The following BMAL1 variants were observed in gnomAD, a reference collection of about 807,000 sequenced individuals.
The protein encoded by BMAL1 is basic helix-loop-helix ARNT-like protein 1.
chr11:13,377,064 T>C, the BMAL1 span, among the ~76,000 whole-genome samples: 1 of 152,180 alleles, frequency 6.6e-6, no homozygotes, highest in African/African-American at 2.4e-5. Context: ...TGTCACTAAC[T>C]CCTGTGGTTG....
At chr11:13,278,676 C>G in the BMAL1 span, among the ~76,000 whole-genome samples, 9 of 152,202 alleles carry the variant, frequency 5.9e-5, no homozygotes, top group Admixed American at 1.3e-4. Flanking sequence ...AAGGATGCCC[C>G]GTGGGTCTGC....
the BMAL1 span, among the ~76,000 whole-genome samples, chr11:13,325,639 G>A: frequency 2.2e-5 from 3 of 137,468 alleles, no homozygotes; most frequent in Non-Finnish European, 3.1e-5. Flanking sequence ...GCTGTCTGGT[G>A]CTGCCTTTTG....
At chr11:13,332,568 A>G in the BMAL1 span, among the ~76,000 whole-genome samples, 2 of 152,202 alleles carry the variant, frequency 1.3e-5, no homozygotes, top group African/African-American at 4.8e-5. Flanking sequence ...AATAGTTTCT[A>G]GTTTTAAAAT....
the BMAL1 span, chr11:13,355,200 T>G: frequency 6.2e-7 from 1 of 1,609,558 alleles, no homozygotes; most frequent in Non-Finnish European, 8.5e-7. Context: ...GTATACCCCC[T>G]ACAGCAGATG....
chr11:13,282,141 C>T, the BMAL1 span, among the ~76,000 whole-genome samples: 3 of 152,210 alleles, frequency 2.0e-5, no homozygotes, highest in African/African-American at 7.2e-5. Flanking sequence ...CTTCATTCCC[C>T]AGGCTGTCCT....
chr11:13,346,035 T>C, the BMAL1 span, among the ~76,000 whole-genome samples: 1 of 152,194 alleles, frequency 6.6e-6, no homozygotes, highest in Admixed American at 6.5e-5. Context: ...ACCCTGGTAA[T>C]AAACAACCTC....
the BMAL1 span, among the ~76,000 whole-genome samples, chr11:13,288,420 T>TCTTCTTTCTTTCTTTC: frequency 2.3e-5 from 1 of 43,564 alleles, no homozygotes; most frequent in African/African-American, 7.0e-5. Flanking sequence ...CTTTCTTTTT[T>TCTTCTTTCTTTCTTTC]TTTCTTTTTT....
At chr11:13,284,232 G>T in the BMAL1 span, among the ~76,000 whole-genome samples, 1 of 8,092 alleles carries the variant, frequency 1.2e-4, no homozygotes, top group African/African-American at 3.5e-4. Flanking sequence ...ATATATGTGT[G>T]TGTATATATA....
chr11:13,313,501 G>A, the BMAL1 span, among the ~76,000 whole-genome samples: 1 of 152,066 alleles, frequency 6.6e-6, no homozygotes, highest in Non-Finnish European at 1.5e-5. Flanking sequence ...CTGCCTGCTT[G>A]GTCCACGCCC....
the BMAL1 span, among the ~76,000 whole-genome samples, chr11:13,280,811 C>A: frequency 6.6e-6 from 1 of 152,282 alleles, no homozygotes; most frequent in South Asian, 2.1e-4. Context: ...TTACTTCCCA[C>A]CCAAAATGTC....
chr11:13,379,004 A>C, the BMAL1 span: 1 of 152,494 alleles, frequency 6.6e-6, no homozygotes, highest in Admixed American at 6.5e-5. Flanking sequence ...AGGAGCTTAG[A>C]AGCAGTCCAC....
At chr11:13,345,239 G>A in the BMAL1 span, among the ~76,000 whole-genome samples, 1 of 152,208 alleles carries the variant, frequency 6.6e-6, no homozygotes, top group Non-Finnish European at 1.5e-5. Context: ...TTTAAAAAGG[G>A]GGAAGTCCTC....
the BMAL1 span, among the ~76,000 whole-genome samples, chr11:13,290,617 A>G: frequency 1.3e-5 from 2 of 151,776 alleles, no homozygotes; most frequent in African/African-American, 4.8e-5. Context: ...AACCTTGACT[A>G]CCTACCATAT....
the BMAL1 span, among the ~76,000 whole-genome samples, chr11:13,295,828 C>T: frequency 6.6e-6 from 1 of 152,266 alleles, no homozygotes; most frequent in Admixed American, 6.5e-5. Flanking sequence ...ATCTCAGTGC[C>T]CCTCCAGCAA....
At chr11:13,356,376 G>A in the BMAL1 span, 2 of 441,064 alleles carry the variant, frequency 4.5e-6, no homozygotes, top group South Asian at 3.8e-5. Flanking sequence ...CCAGAATGAT[G>A]GGGGGGGAGA....
the BMAL1 span, among the ~76,000 whole-genome samples, chr11:13,305,427 A>G: frequency 2.0e-5 from 3 of 152,140 alleles, no homozygotes; most frequent in Admixed American, 6.5e-5. Flanking sequence ...TAGAAATCCA[A>G]TTGATTTTTT....
At chr11:13,288,398 C>T in the BMAL1 span, among the ~76,000 whole-genome samples, 37 of 21,232 alleles carry the variant, frequency 1.7e-3, no homozygotes, top group East Asian at 0.027. Flanking sequence ...TTTCTTTTTT[C>T]TTTCTTTCTT....
the BMAL1 span, among the ~76,000 whole-genome samples, chr11:13,299,603 T>C: frequency 2.6e-5 from 4 of 152,064 alleles, no homozygotes; most frequent in Admixed American, 2.6e-4. Context: ...GGGATTGTGG[T>C]GGCGTGAGGG....
At chr11:13,356,744 G>C in the BMAL1 span, 4 of 1,613,884 alleles carry the variant, frequency 2.5e-6, no homozygotes, top group African/African-American at 2.7e-5. Context: ...TTCAGAGAAA[G>C]CATGGACACA....
Sources: gnomAD v4.1 joint callset for allele counts (sites outside exome capture counted in the v4.1 genomes callset) on GRCh38, gnomAD v4.1.1 for gene constraint, MANE v1.5 for transcripts, NCBI Gene and HGNC (gene_info 2026-07-23, HGNC 2026-07-21) for gene names.